Variants in LRP5 observed in about 807,000 individuals in gnomAD.
LRP5 encodes the protein low-density lipoprotein receptor-related protein 5.
A neutral mutation model predicts 154.1 loss-of-function variants in LRP5; 62 were observed. That is an observed-to-expected ratio of 0.40 (90% confidence interval 0.33 to 0.50). The LOEUF (loss-of-function observed/expected upper bound fraction) is 0.50, where lower values mean the gene tolerates loss of function less well. Ranked by LOEUF, LRP5 falls within the 20% of genes least tolerant of loss-of-function variation. LRP5 has a pLI of 0.55. For missense variants in LRP5, 1,915 were observed against 2,336.7 expected (o/e 0.82, Z 3.72); for synonymous variants, 966 against 1,011.5 (o/e 0.96, Z 0.85).
chr11:68,388,657 T>C (rs2098644353), intron 6 of LRP5, among the ~76,000 whole-genome samples: 2 of 152,134 alleles, frequency 1.3e-5, no homozygotes, highest in African/African-American at 4.8e-5. Flanking sequence ...AAGGTTCTGC[T>C]CTGCCCCTTC....
intron 15 of LRP5, 61 bp downstream of exon 15, chr11:68,425,353 G>A: frequency 6.6e-7 from 1 of 1,519,298 alleles, no homozygotes; most frequent in Non-Finnish European, 8.9e-7. Flanking sequence ...AGTAATGGCA[G>A]CAGCTGCCAC....
chr11:68,298,566 G>A, the LRP5 span, among the ~76,000 whole-genome samples: 63,409 of 152,044 alleles, frequency 0.42, 13,661 homozygotes, highest in South Asian at 0.65. Flanking sequence ...CAGCTTTGGC[G>A]AGGGTCTGTT....
intron 1 of LRP5, among the ~76,000 whole-genome samples, chr11:68,331,995 G>A (rs2098603102): frequency 6.6e-6 from 1 of 152,052 alleles, no homozygotes; most frequent in Non-Finnish European, 1.5e-5. Context: ...GGCCAAGCTG[G>A]AAGAGGTGGT....
intron 17 of LRP5, among the ~76,000 whole-genome samples, chr11:68,433,073 C>T (rs570337703): frequency 3.3e-5 from 5 of 152,338 alleles, no homozygotes; most frequent in Admixed American, 1.3e-4. Context: ...CCTTGCTATG[C>T]GCACGCTGGT....
At chr11:68,411,930 G>T (rs2098659824) in intron 11 of LRP5, among the ~76,000 whole-genome samples, 1 of 152,156 alleles carries the variant, frequency 6.6e-6, no homozygotes, top group Non-Finnish European at 1.5e-5. Context: ...ACACATGGTG[G>T]TTTTCATTGC....
rs577210946 is a variant in LRP5 at position 68,424,191 on chromosome 11, A to G, written c.3236+494A>G. Among the ~76,000 whole-genome samples the G allele has an allele frequency of 2.0e-5, 3 of 152,220 alleles. No individual in the cohort carries two copies. The South Asian group carries it at 6.2e-4, about 32-fold the overall frequency. ...CAGGGAAAGAGGGAGACCGAAACCC[A>G]TGTGACATGAAACTCAGGCTCCAAA... On this transcript the variant is annotated intron_variant, in intron 14 of 22. Transcript: ENST00000294304.
Position 68,423,045 on chromosome 11 carries a change from G to T in LRP5, c.3028-444G>T, listed in dbSNP as rs2098666722. The stretch of plus-strand genomic sequence containing the variant: ...CCAAAAGCTTGAGTCCTGGAAGGTG[G>T]AGGAGACAGGGATGTGTTGGGAAGG... On this transcript the variant is annotated intron_variant, in intron 13 of 22. Transcript: ENST00000294304. The surrounding 1 kb of genome is among the most constrained non-coding windows in gnomAD (Gnocchi z 4.7). Among the ~76,000 whole-genome samples, 1 of 152,208 alleles carries T rather than the reference G, an allele frequency of 6.6e-6. No homozygotes were observed. Among genetic ancestry groups the T allele is most frequent in the Admixed American group, 6.5e-5 (1 of 15,280 alleles).
At chr11:68,365,325 G>A (rs1358230355) in intron 4 of LRP5, among the ~76,000 whole-genome samples, 1 of 152,124 alleles carries the variant, frequency 6.6e-6, no homozygotes, top group South Asian at 2.1e-4. Flanking sequence ...TGGCCAGGAA[G>A]GTCACGGCTG....
In LRP5 at chr11:68,348,500, A is replaced by G. The variant is rs1472158257; in HGVS notation, c.488+257A>G. Among the ~76,000 whole-genome samples, 3 of 140,212 alleles carry G rather than the reference A, an allele frequency of 2.1e-5. No homozygotes were observed. The East Asian group carries it at 6.0e-4, about 28-fold the overall frequency. The allele number at this position is 140,212 out of a possible 152,430, so 92.0% of individuals were successfully genotyped here. The stretch of plus-strand genomic sequence containing the variant: ...AATGAACCCGTGGGGGGGTTGGCTC[A>G]GGCCTGTAACCCCAGCACTCGGTGC... On this transcript the variant is annotated intron_variant, in intron 2 of 22. Coordinates refer to ENST00000294304, the MANE Select transcript of LRP5 (RefSeq NM_002335.4).
chr11:68,406,864 C>CCT (rs1440158411), intron 9 of LRP5, 51 bp downstream of exon 9: 1 of 1,583,390 alleles, frequency 6.3e-7, no homozygotes, highest in African/African-American at 1.3e-5. Context: ...GAAAACCTTG[C>CCT]CTCTGTTCCT....
At position 68,368,968 on chromosome 11, in the gene LRP5, G is replaced by A. The variant is rs1488677753; in HGVS notation, c.1015+3266G>A. 2.6e-5 allele frequency among the ~76,000 whole-genome samples: 4 copies of A among 151,460 alleles called. No homozygotes were observed. In the East Asian group the frequency reaches 7.8e-4, roughly 29 times the overall value. On this transcript the variant is annotated intron_variant, in intron 5 of 22. Coordinates refer to ENST00000294304, the MANE Select transcript of LRP5 (RefSeq NM_002335.4). Reference sequence around the variant, plus strand: ...TTCTCCTGCCTCAGCCTCCCAAGCAGCTGGGATTACAGGCGCCCGCTACTA... The same window carrying A: ...TTCTCCTGCCTCAGCCTCCCAAGCAACTGGGATTACAGGCGCCCGCTACTA...
chr11:68,312,405 C>T (rs971034244), upstream of LRP5, among the ~76,000 whole-genome samples: 2 of 150,834 alleles, frequency 1.3e-5, no homozygotes, highest in African/African-American at 4.8e-5. Context: ...GAGGCACCTC[C>T]AGGGCAGGGC....
chr11:68,389,728 G>C (rs1337660360), intron 6 of LRP5, among the ~76,000 whole-genome samples, 153 bp from the exon 7 acceptor site: 1 of 151,974 alleles, frequency 6.6e-6, no homozygotes, highest in Admixed American at 6.6e-5. Flanking sequence ...CGACATTTAC[G>C]AGCACCGACA....
chr11:68,339,119 C>T (rs895030506), intron 1 of LRP5, among the ~76,000 whole-genome samples: 4 of 151,752 alleles, frequency 2.6e-5, no homozygotes, highest in African/African-American at 9.7e-5. Context: ...GATGATCTGC[C>T]TGCCTTGGCT....
chr11:68,415,098 G>A (rs2098661788), intron 12 of LRP5, among the ~76,000 whole-genome samples: 1 of 152,242 alleles, frequency 6.6e-6, no homozygotes, highest in Non-Finnish European at 1.5e-5. Flanking sequence ...CACAGCTTCT[G>A]AAGCCAGGCA....
chr11:68,361,139 A>G (rs1439295074), intron 3 of LRP5, among the ~76,000 whole-genome samples: 1 of 149,082 alleles, frequency 6.7e-6, no homozygotes, highest in East Asian at 2.0e-4. Flanking sequence ...CCCTGTCTCT[A>G]CTAAAAATAC....
intron 1 of LRP5, among the ~76,000 whole-genome samples, chr11:68,316,975 T>G (rs1299975013): frequency 6.6e-6 from 1 of 152,248 alleles, no homozygotes; most frequent in Admixed American, 6.5e-5. Context: ...GGGGAGGCCC[T>G]GGCGGGAGCC....
chr11:68,426,197 G>A lies in LRP5; in HGVS notation c.3637+10G>A, dbSNP rs2098668691. The A allele has an allele frequency of 1.2e-6, 2 of 1,608,434 alleles. No homozygotes were observed. The highest frequency in any genetic ancestry group is 1.7e-6 in the Non-Finnish European group (2 of 1,178,788). The stretch of plus-strand genomic sequence containing the variant: ...AGCCTGGAGGAGTTCTGTACGTGGG[G>A]GCTGGCAGTGGGGTGGGCAGGGTGG... On this transcript the variant is annotated intron_variant, in intron 16 of 22. Transcript: ENST00000294304.
At chr11:68,316,922 G>T (rs2098593738) in intron 1 of LRP5, among the ~76,000 whole-genome samples, 1 of 152,256 alleles carries the variant, frequency 6.6e-6, no homozygotes. Flanking sequence ...GGTTTGTGAG[G>T]CTTTGGAAAC....
Sources: gnomAD v4.1 joint callset for allele counts (sites outside exome capture counted in the v4.1 genomes callset) on GRCh38, gnomAD v4.1.1 for gene constraint, Gnocchi (gnomAD v3.1) non-coding constraint, MANE v1.5 for transcripts, NCBI Gene and HGNC (gene_info 2026-07-23, HGNC 2026-07-21) for gene names.